BFSP1: variants seen among roughly 807,000 people sequenced by gnomAD.
The protein encoded by BFSP1 is beaded filament structural protein 1.
A neutral mutation model predicts 43.9 loss-of-function variants in BFSP1; 38 were observed. The observed-to-expected ratio is 0.87, with a 90% CI of 0.67 to 1.14. The LOEUF is 1.14. Ranked by LOEUF, BFSP1 falls within the 50% of genes most tolerant of loss-of-function variation. The pLI is 0.00. For synonymous variants in BFSP1, 352 were observed against 354.8 expected, an observed-to-expected ratio of 0.99 and a Z score of 0.09; for missense variants, 850 against 875.1, an observed-to-expected ratio of 0.97 and a Z score of 0.36.
At chr20:17,558,804 C>T in exon 1 of BFSP1, 1 of 1,457,018 alleles carries the variant, frequency 6.9e-7, no homozygotes, top group East Asian at 2.5e-5. Flanking sequence ...CCAAAACCCT[C>T]TCCAGAGGGC....
chr20:17,497,594 G>A (rs559851255), intron 6 of BFSP1, among the ~76,000 whole-genome samples: 153 of 66,716 alleles, frequency 2.3e-3, no homozygotes, highest in African/African-American at 0.013. Flanking sequence ...ATATATATAC[G>A]TGTATATATA....
Position 17,511,995 on chromosome 20 carries a change from AC to A in BFSP1, c.607del (p.Val203Ter), listed in dbSNP as rs1282954625. The part of the protein sequence containing the change: ...IIHTTPPASI[V>X]TSGMREEKLL... ...TCTTACCTCCCTCATCCCACTCGTCACAATGGATGCTGGAGGAGTGGTGTGG... is the reference window on the plus strand; with the variant it reads ...TCTTACCTCCCTCATCCCACTCGTCAAATGGATGCTGGAGGAGTGGTGTGG... On this transcript the variant is annotated frameshift_variant, in exon 4 of 8. Coordinates refer to ENST00000377873, the MANE Select transcript of BFSP1 (RefSeq NM_001195.5). LOFTEE classifies it high-confidence loss of function. 1.2e-6 allele frequency: 2 copies of A among 1,609,964 alleles called. No individual in the cohort carries two copies. The highest frequency in any genetic ancestry group is 1.7e-6 in the Non-Finnish European group (2 of 1,176,346).
exon 1 of BFSP1, chr20:17,558,817 G>T: frequency 7.3e-7 from 1 of 1,365,326 alleles, no homozygotes; most frequent in East Asian, 2.5e-5. Context: ...CAGAGGGCCA[G>T]GTCTGGGCTG....
chr20:17,513,153 CTG>C (rs1277913313), intron 3 of BFSP1, among the ~76,000 whole-genome samples: 1 of 152,180 alleles, frequency 6.6e-6, no homozygotes, highest in Non-Finnish European at 1.5e-5. Context: ...CCAGAGCTTC[CTG>C]TGGGATCATG....
intron 2 of BFSP1, chr20:17,516,977 T>C (rs1303249931): frequency 2.6e-6 from 2 of 759,354 alleles, no homozygotes; most frequent in Non-Finnish European, 4.8e-6. Flanking sequence ...GACTGATCTT[T>C]GCTAGCAAGC....
chr20:17,506,673 C>T (rs1298376964), intron 5 of BFSP1, among the ~76,000 whole-genome samples: 1 of 151,736 alleles, frequency 6.6e-6, no homozygotes, highest in East Asian at 1.9e-4. Context: ...CACAGGCACG[C>T]ACCACCACGC....
In BFSP1 at chr20:17,509,226, A is replaced by C. The variant is rs374021061; in HGVS notation, c.628-230T>G. ...ATGTGATTAGGGTCTTTGTAAGAACAAGAAGAGACACCAGAGCCCCCACCC... is the reference window on the plus strand; with the variant it reads ...ATGTGATTAGGGTCTTTGTAAGAACCAGAAGAGACACCAGAGCCCCCACCC... On this transcript the variant is annotated intron_variant, in intron 4 of 7. Transcript: ENST00000377873. Among the ~76,000 whole-genome samples the C allele has an allele frequency of 5.3e-5, 8 of 152,136 alleles. No homozygotes were observed. The South Asian group carries it at 1.7e-3, about 32-fold the overall frequency.
chr20:17,566,525 A>G (rs2122137228), intron 1 of BFSP1, among the ~76,000 whole-genome samples: 1 of 152,342 alleles, frequency 6.6e-6, no homozygotes, highest in East Asian at 1.9e-4. Flanking sequence ...TACTTCTCAT[A>G]GTTCTGGAGG....
intron 5 of BFSP1, among the ~76,000 whole-genome samples, chr20:17,502,567 G>A (rs576631437): frequency 3.3e-5 from 5 of 152,306 alleles, no homozygotes; most frequent in Admixed American, 6.5e-5. Context: ...CTATTAATGC[G>A]ACAGGATCAC....
At chr20:17,531,488 CG>C, upstream of BFSP1, 2 of 1,099,718 alleles carry the variant, frequency 1.8e-6, no homozygotes. Flanking sequence ...GGCCCGGGCG[CG>C]GGAGAAGAAA....
intron 1 of BFSP1, among the ~76,000 whole-genome samples, chr20:17,526,763 G>A (rs1379875872): frequency 1.3e-5 from 2 of 152,184 alleles, no homozygotes; most frequent in Admixed American, 1.3e-4. Flanking sequence ...CACAATGGCT[G>A]TACCATTTTA....
chr20:17,532,044 C>T (rs1410059775), upstream of BFSP1, among the ~76,000 whole-genome samples: 1 of 152,064 alleles, frequency 6.6e-6, no homozygotes, highest in Non-Finnish European at 1.5e-5. Context: ...GAGACATGCA[C>T]GGTTATGTTT....
intron 4 of BFSP1, among the ~76,000 whole-genome samples, chr20:17,510,763 G>A (rs548206695): frequency 3.7e-4 from 57 of 152,258 alleles, no homozygotes; most frequent in East Asian, 2.5e-3. Context: ...TCATTGACTC[G>A]GAGCATGGCC....
chr20:17,566,903 C>T (rs567512611), intron 1 of BFSP1, among the ~76,000 whole-genome samples: 4 of 152,314 alleles, frequency 2.6e-5, no homozygotes, highest in African/African-American at 9.6e-5. Flanking sequence ...CCACCTGCCT[C>T]AGCCCCCTAA....
At chr20:17,520,328 G>C (rs368413921) in intron 2 of BFSP1, among the ~76,000 whole-genome samples, 6 of 150,842 alleles carry the variant, frequency 4.0e-5, no homozygotes, top group African/African-American at 1.5e-4. Flanking sequence ...GAAATAACTA[G>C]AATTTGGAGC....
chr20:17,503,925 A>C (rs920109721), intron 5 of BFSP1, among the ~76,000 whole-genome samples: 2 of 152,196 alleles, frequency 1.3e-5, no homozygotes, highest in African/African-American at 4.8e-5. Flanking sequence ...GCATCACAGA[A>C]TGGGAAATGA....
At chr20:17,520,215 C>T (rs1350823811) in intron 2 of BFSP1, among the ~76,000 whole-genome samples, 2 of 139,016 alleles carry the variant, frequency 1.4e-5, no homozygotes, top group African/African-American at 5.5e-5. Flanking sequence ...AACGTGCCCC[C>T]CCACCCCGCC....
chr20:17,509,608 C>T (rs1259030526), intron 4 of BFSP1, among the ~76,000 whole-genome samples: 1 of 152,138 alleles, frequency 6.6e-6, no homozygotes, highest in Non-Finnish European at 1.5e-5. Flanking sequence ...ATTTGACTCT[C>T]AAAGCCTCTG....
At chr20:17,568,188 C>T (rs1040569033) in intron 1 of BFSP1, among the ~76,000 whole-genome samples, 5 of 152,072 alleles carry the variant, frequency 3.3e-5, no homozygotes, top group African/African-American at 9.7e-5. Flanking sequence ...CAGAGGCAGA[C>T]GGGCCAGACT....
Sources: gnomAD v4.1 joint callset for allele counts (sites outside exome capture counted in the v4.1 genomes callset) on GRCh38, gnomAD v4.1.1 for gene constraint, MANE v1.5 for transcripts, NCBI Gene and HGNC (gene_info 2026-07-23, HGNC 2026-07-21) for gene names.